Variants in SERPINB12 observed in about 807,000 individuals in gnomAD.
SERPINB12 encodes serpin family B member 12.
In SERPINB12, 57 loss-of-function variants were observed where a neutral mutation model predicts 41.1. The observed-to-expected ratio is 1.39, with a 90% CI of 1.12 to 1.73. SERPINB12 has a LOEUF of 1.73. SERPINB12 is among the 40% of genes most tolerant of loss of function. The pLI, the probability that SERPINB12 is intolerant of heterozygous loss-of-function variation, is 0.00. For synonymous variants in SERPINB12, 180 were observed against 181.3 expected, an observed-to-expected ratio of 0.99 and a Z score of 0.06; for missense variants, 536 against 501.9, an observed-to-expected ratio of 1.07 and a Z score of -0.65.
At position 63,546,414 on chromosome 18, in the gene SERPINB12, C is replaced by T. The variant is rs142238276; in HGVS notation, c.-19+3922C>T. On this transcript the variant is annotated intron_variant, in intron 1 of 7. Transcript: ENST00000382768. ...CTAAGTTTAAAAAGTTTTGTGTTTT[C>T]AGTTGTAAAATATGTGTGTCAATAA... 3.0e-3 allele frequency among the ~76,000 whole-genome samples: 462 copies of T among 152,264 alleles called. 4 individuals carry two copies. Among genetic ancestry groups the T allele is most frequent in the African/African-American group, 0.011 (438 of 41,548 alleles).
intron 5 of SERPINB12, among the ~76,000 whole-genome samples, chr18:63,563,232 A>G (rs1379647320): frequency 6.6e-6 from 1 of 152,222 alleles, no homozygotes; most frequent in East Asian, 1.9e-4. Context: ...TAGCACATTT[A>G]TGTGTATTTT....
At chr18:63,543,578 ATTTATT>A (rs1397855923) in intron 1 of SERPINB12, among the ~76,000 whole-genome samples, 3 of 136,676 alleles carry the variant, frequency 2.2e-5, no homozygotes, top group African/African-American at 8.0e-5. Context: ...CATTTTATTT[ATTTATT>A]TTTATTTTTA....
chr18:63,568,155 T>C lies in SERPINB12; in HGVS notation c.*1144T>C, dbSNP rs1239988163. On this transcript the variant is annotated 3_prime_UTR_variant, in exon 8 of 8. Transcript: ENST00000382768. The stretch of plus-strand genomic sequence containing the variant: ...GCACTTCTTGGGAGGCCGAGTCAGG[T>C]GGATCACTTGAGTCCAGGAGTTCGA... Among the ~76,000 whole-genome samples, 3 of 152,148 alleles carry C rather than the reference T, an allele frequency of 2.0e-5. No homozygotes were observed. Among genetic ancestry groups the C allele is most frequent in the Admixed American group, 2.0e-4 (3 of 15,272 alleles).
chr18:63,529,152 C>A, the SERPINB12 span, among the ~76,000 whole-genome samples: 2 of 152,098 alleles, frequency 1.3e-5, no homozygotes, highest in Non-Finnish European at 2.9e-5. Context: ...AGTAGCATTG[C>A]AATGGGAATA....
upstream of SERPINB12, among the ~76,000 whole-genome samples, chr18:63,538,888 T>C (rs948265774): frequency 2.0e-5 from 3 of 152,290 alleles, no homozygotes; most frequent in African/African-American, 7.2e-5. Context: ...ACCATCCCAG[T>C]GTGTATAAAG....
At chr18:63,553,879 T>C (rs141273884) in intron 1 of SERPINB12, among the ~76,000 whole-genome samples, 7 of 152,246 alleles carry the variant, frequency 4.6e-5, no homozygotes, top group African/African-American at 1.7e-4. Flanking sequence ...TACCAACATA[T>C]GCAAAGGTAG....
chr18:63,535,397 G>A, the SERPINB12 span, among the ~76,000 whole-genome samples: 9 of 152,222 alleles, frequency 5.9e-5, no homozygotes, highest in African/African-American at 1.9e-4. Context: ...CCCCGAGATA[G>A]CTCAGGCATT....
rs56812375 is a variant in SERPINB12 at position 63,566,911 on chromosome 18, G to A, written c.1178G>A (p.Arg393Gln). The A allele has an allele frequency of 5.9e-3, 9,486 of 1,614,078 alleles. 487 individuals are homozygous for A. The African/African-American group carries it at 0.11, about 19-fold the overall frequency. Residue 393 changes from arginine to glutamine, a missense_variant, in exon 8 of 8, where the codon CGA becomes CAA. By Grantham distance (43) the Arg-to-Gln change is conservative. Transcript: ENST00000382768. ...TGAVVSERSL[R>Q]SWVEFNANHP... ...GCTGTTGTCTCGGAAAGGTCACTAC[G>A]ATCTTGGGTGGAGTTTAATGCCAAC...
In SERPINB12 at chr18:63,542,379, A is replaced by G. The variant is rs1300745982; in HGVS notation, c.-132A>G. Reference sequence around the variant, plus strand: ...AATAGCTTGCTCAATGCCTCTCCTTATAAGTTTTCACAGGCTGTAGGACTT... The same window carrying G: ...AATAGCTTGCTCAATGCCTCTCCTTGTAAGTTTTCACAGGCTGTAGGACTT... On this transcript the variant is annotated 5_prime_UTR_variant, in exon 1 of 8. Transcript: ENST00000382768. Among the ~76,000 whole-genome samples the G allele has an allele frequency of 6.6e-6, 1 of 152,226 alleles. No individual in the cohort carries two copies. The highest frequency in any genetic ancestry group is 1.5e-5 in the Non-Finnish European group (1 of 68,040).
intron 6 of SERPINB12, 21 bp downstream of exon 6, chr18:63,564,141 G>T: frequency 1.9e-6 from 3 of 1,597,694 alleles, no homozygotes; most frequent in Non-Finnish European, 2.6e-6. Flanking sequence ...AGAACTCATG[G>T]TTTTCTAGCT....
At position 63,565,473 on chromosome 18, in the gene SERPINB12, C is replaced by T. The variant is rs200518644; in HGVS notation, c.734C>T (p.Thr245Met). The change falls in exon 7 of 8, where the codon ACG becomes ATG. Residue 245 changes from threonine (T) to methionine (M), a missense_variant. Transcript: ENST00000382768. Reference protein sequence around the residue: ...ANENKSVKMMTQKGLYRIGFI... With the variant: ...ANENKSVKMMMQKGLYRIGFI... ...GAAAACAAGAGTGTGAAGATGATGA[C>T]GCAAAAAGGCCTCTACAGAATTGGC... 69 of 1,613,386 alleles carry T rather than the reference C, an allele frequency of 4.3e-5. No individual in the cohort carries two copies. Among genetic ancestry groups the T allele is most frequent in the South Asian group, 3.0e-4 (27 of 90,936 alleles).
chr18:63,564,908 G>A (rs544765193), intron 6 of SERPINB12, among the ~76,000 whole-genome samples: 3 of 152,310 alleles, frequency 2.0e-5, no homozygotes, highest in Admixed American at 1.3e-4. Flanking sequence ...TAAAAAACAT[G>A]GAAAGGGCCA....
intron 6 of SERPINB12, among the ~76,000 whole-genome samples, 167 bp downstream of exon 6, chr18:63,564,287 GCTT>G (rs2144351237): frequency 6.6e-6 from 1 of 152,316 alleles, no homozygotes; most frequent in South Asian, 2.1e-4. Flanking sequence ...TGTGCCAAGT[GCTT>G]CCTGCACTGA....
chr18:63,527,546 T>A, the SERPINB12 span, among the ~76,000 whole-genome samples: 1 of 152,160 alleles, frequency 6.6e-6, no homozygotes, highest in Non-Finnish European at 1.5e-5. Context: ...TTTGTGGCAA[T>A]ATTTTTTTTC....
chr18:63,551,776 C>T (rs1481893228), intron 1 of SERPINB12, among the ~76,000 whole-genome samples: 1 of 152,100 alleles, frequency 6.6e-6, no homozygotes, highest in Admixed American at 6.5e-5. Context: ...AGATCTCTGC[C>T]TTTCTATTTC....
intron 1 of SERPINB12, among the ~76,000 whole-genome samples, chr18:63,545,239 G>A (rs922318175): frequency 1.3e-4 from 19 of 148,080 alleles, no homozygotes; most frequent in African/African-American, 4.5e-4. Context: ...AGCTTGCCTT[G>A]AATAGCACTG....
chr18:63,553,334 AT>A (rs974011884), intron 1 of SERPINB12, among the ~76,000 whole-genome samples: 17 of 152,264 alleles, frequency 1.1e-4, no homozygotes, highest in Non-Finnish European at 2.1e-4. Flanking sequence ...CAGCTGCATG[AT>A]TGTTGCAAGT....
the SERPINB12 span, among the ~76,000 whole-genome samples, chr18:63,533,180 G>A: frequency 7.9e-5 from 12 of 152,116 alleles, no homozygotes; most frequent in African/African-American, 2.9e-4. Flanking sequence ...GTTTCACCAT[G>A]TTGGCCAGGC....
chr18:63,530,703 A>G, the SERPINB12 span, among the ~76,000 whole-genome samples: 2 of 152,328 alleles, frequency 1.3e-5, no homozygotes, highest in East Asian at 3.9e-4. Flanking sequence ...ATGGTGTAAT[A>G]CATGGTGCTC....
Sources: gnomAD v4.1 joint callset for allele counts (sites outside exome capture counted in the v4.1 genomes callset) on GRCh38, gnomAD v4.1.1 for gene constraint, MANE v1.5 for transcripts, NCBI Gene and HGNC (gene_info 2026-07-23, HGNC 2026-07-21) for gene names.